Variants in HOMER1 observed in about 807,000 individuals in gnomAD.
HOMER1 encodes the protein homer protein homolog 1.
A neutral mutation model predicts 48.9 loss-of-function variants in HOMER1; 3 were observed. The observed-to-expected ratio is 0.06, with a 90% CI of 0.03 to 0.16. The LOEUF is 0.16. Among genes scored for constraint, HOMER1 ranks in the 10% least tolerant of loss-of-function variants. The pLI is 1.00. For missense variants in HOMER1, 247 were observed against 411.4 expected, an observed-to-expected ratio of 0.60 and a Z score of 3.46; for synonymous variants, 134 against 146.4, an observed-to-expected ratio of 0.92 and a Z score of 0.61.
At chr5:79,501,430 C>A (rs1752586843) in intron 1 of HOMER1, among the ~76,000 whole-genome samples, 1 of 152,124 alleles carries the variant, frequency 6.6e-6, no homozygotes, top group South Asian at 2.1e-4. Flanking sequence ...TTGGGAGAGT[C>A]AAAAGGTAAA....
At chr5:79,430,508 G>C (rs1750393186) in intron 5 of HOMER1, among the ~76,000 whole-genome samples, 2 of 152,032 alleles carry the variant, frequency 1.3e-5, no homozygotes, top group Admixed American at 1.3e-4. Context: ...TCTACTACTA[G>C]GTATATACTC....
intron 1 of HOMER1, among the ~76,000 whole-genome samples, chr5:79,466,945 C>T (rs912821979): frequency 1.1e-4 from 17 of 152,060 alleles, no homozygotes; most frequent in Non-Finnish European, 4.4e-5. Flanking sequence ...GTGTGCACCA[C>T]CACACTTGGC....
At chr5:79,429,808 G>A (rs1016180201) in intron 5 of HOMER1, among the ~76,000 whole-genome samples, 1 of 152,196 alleles carries the variant, frequency 6.6e-6, no homozygotes, top group Non-Finnish European at 1.5e-5. Flanking sequence ...TGGATCACGA[G>A]GTCAGGAGAT....
chr5:79,414,694 T>C (rs1344489339), intron 5 of HOMER1, among the ~76,000 whole-genome samples: 1 of 152,066 alleles, frequency 6.6e-6, no homozygotes, highest in African/African-American at 2.4e-5. Flanking sequence ...CTATTCTTTA[T>C]ACTCCTGCTG....
intron 1 of HOMER1, among the ~76,000 whole-genome samples, chr5:79,494,850 CAA>C (rs1752379413): frequency 6.6e-6 from 1 of 152,324 alleles, no homozygotes; most frequent in South Asian, 2.1e-4. Context: ...GCCTGGGCAA[CAA>C]GAGTGAAACT....
At chr5:79,509,600 A>G (rs1170975939) in intron 1 of HOMER1, among the ~76,000 whole-genome samples, 1 of 152,212 alleles carries the variant, frequency 6.6e-6, no homozygotes. Context: ...GGGATCTGAT[A>G]CACCTATTTT....
intron 8 of HOMER1, among the ~76,000 whole-genome samples, chr5:79,379,267 T>A (rs1466130264): frequency 3.7e-5 from 3 of 81,566 alleles, no homozygotes; most frequent in East Asian, 2.8e-4. Context: ...ATATATATTA[T>A]ATATTATATA....
In HOMER1 at chr5:79,397,520, CA is replaced by C. The variant is rs1384514756; in HGVS notation, c.795+6del. ...TAGATTACAGATGAGTAAAAAGCAG[CA>C]AATACCTCTTCCTTCAGTTTCAGTG... On this transcript the variant is annotated splice_donor_region_variant and intron_variant, in intron 7 of 8. Transcript: ENST00000334082. The C allele has an allele frequency of 6.7e-7, 1 of 1,493,004 alleles. No homozygotes were observed. The highest frequency in any genetic ancestry group is 1.1e-5 in the South Asian group (1 of 87,452). The allele number at this position is 1,493,004 out of a possible 1,614,324, so 92.5% of individuals were successfully genotyped here.
intron 8 of HOMER1, among the ~76,000 whole-genome samples, chr5:79,376,978 T>C (rs1748787631): frequency 6.6e-6 from 1 of 152,218 alleles, no homozygotes; most frequent in Non-Finnish European, 1.5e-5. Context: ...GTTGTTTCTT[T>C]TCTTTGAGAC....
chr5:79,386,337 T>A (rs1419168430), intron 8 of HOMER1, among the ~76,000 whole-genome samples: 1 of 152,210 alleles, frequency 6.6e-6, no homozygotes, highest in Non-Finnish European at 1.5e-5. Context: ...CTGGAGGTCA[T>A]CATGTTAAGT....
At chr5:79,453,157 C>T (rs1204654588) in intron 2 of HOMER1, among the ~76,000 whole-genome samples, 6 of 152,094 alleles carry the variant, frequency 3.9e-5, no homozygotes, top group African/African-American at 7.2e-5. Flanking sequence ...GTAGTAAGTA[C>T]TATAAAGACC....
At chr5:79,408,376 G>A (rs1749722900) in intron 5 of HOMER1, among the ~76,000 whole-genome samples, 1 of 151,990 alleles carries the variant, frequency 6.6e-6, no homozygotes, top group Admixed American at 6.5e-5. Flanking sequence ...ATTACTAGAA[G>A]ATGTGTCCTA....
intron 8 of HOMER1, among the ~76,000 whole-genome samples, chr5:79,396,537 A>G (rs1749388972): frequency 6.6e-6 from 1 of 151,956 alleles, no homozygotes; most frequent in African/African-American, 2.4e-5. Flanking sequence ...ATGAGCCACC[A>G]TGCCCAAACC....
At chr5:79,417,221 A>C (rs1034771727) in intron 5 of HOMER1, among the ~76,000 whole-genome samples, 5 of 151,082 alleles carry the variant, frequency 3.3e-5, no homozygotes, top group Non-Finnish European at 5.9e-5. Context: ...CGGCTCACTG[A>C]AAGCTCCGCC....
chr5:79,432,152 A>C (rs990224622), intron 5 of HOMER1, among the ~76,000 whole-genome samples: 1 of 152,154 alleles, frequency 6.6e-6, no homozygotes, highest in Non-Finnish European at 1.5e-5. Flanking sequence ...GGCCCTAACT[A>C]TTTGGGTAAG....
Position 79,397,588 on chromosome 5 carries a change from T to C in HOMER1, c.734A>G (p.His245Arg), listed in dbSNP as rs766836771. 7.4e-6 allele frequency: 12 copies of C among 1,611,242 alleles called. No homozygotes were observed. Among genetic ancestry groups the C allele is most frequent in the Middle Eastern group, 1.6e-4 (1 of 6,070 alleles). The change falls in exon 7 of 9, where the codon CAT becomes CGT. Residue 245 changes from histidine (H) to arginine (R), a missense_variant. Physicochemically the swap from His to Arg is conservative, Grantham distance 29 (BLOSUM62 0). Transcript: ENST00000334082. ...TATTGTCTGATTTAATTCTGTCTTA[T>C]GAGTATGTACTGCATTTGCTTGGCT... ...VSSQANAVHT[H>R]KTELNQTIQE...
chr5:79,456,220 T>A (rs557861183), intron 2 of HOMER1, among the ~76,000 whole-genome samples: 43 of 151,682 alleles, frequency 2.8e-4, no homozygotes, highest in African/African-American at 9.9e-4. Flanking sequence ...CTGATTTCAG[T>A]GCTTTGCAGA....
At chr5:79,499,886 G>T (rs1021401176) in intron 1 of HOMER1, among the ~76,000 whole-genome samples, 1 of 152,098 alleles carries the variant, frequency 6.6e-6, no homozygotes, top group Non-Finnish European at 1.5e-5. Context: ...GTAAAATCAC[G>T]GTTCTTGCAT....
At chr5:79,500,927 T>TTGTGTGTGTGTGTGTGTGTGTGTG (rs367742665) in intron 1 of HOMER1, among the ~76,000 whole-genome samples, 1 of 124,324 alleles carries the variant, frequency 8.0e-6, no homozygotes, top group African/African-American at 3.7e-5. Flanking sequence ...ACCCAGCCAT[T>TTGTGTGTGTGTGTGTGTGTGTGTG]TGTGTGTGTG....
Sources: gnomAD v4.1 joint callset for allele counts (sites outside exome capture counted in the v4.1 genomes callset) on GRCh38, gnomAD v4.1.1 for gene constraint, MANE v1.5 for transcripts, NCBI Gene and HGNC (gene_info 2026-07-23, HGNC 2026-07-21) for gene names.